The following KLF7 variants were observed in gnomAD, a reference collection of about 807,000 sequenced individuals.
The protein encoded by KLF7 is KLF transcription factor 7.
Under a neutral mutation model 27.3 loss-of-function variants are expected in KLF7, and 2 were observed. That is an observed-to-expected ratio of 0.07 (90% CI 0.03 to 0.23). The LOEUF (loss-of-function observed/expected upper bound fraction) is 0.23. Among genes scored for constraint, KLF7 ranks in the 10% least tolerant of loss-of-function variants. The pLI, the probability that KLF7 is intolerant of heterozygous loss-of-function variation, is 1.00. For synonymous variants in KLF7, 165 were observed against 162.4 expected, an observed-to-expected ratio of 1.02 and a Z score of -0.12; for missense variants, 221 against 394.1, an observed-to-expected ratio of 0.56 and a Z score of 3.72.
chr2:207,163,822 G>A (rs1338008483), intron 1 of KLF7, among the ~76,000 whole-genome samples: 3 of 152,182 alleles, frequency 2.0e-5, no homozygotes, highest in African/African-American at 4.8e-5. Flanking sequence ...GTGAAATGAA[G>A]GCTATTTCAG....
chr2:207,159,847 G>A (rs570291611), intron 1 of KLF7, among the ~76,000 whole-genome samples: 10 of 152,166 alleles, frequency 6.6e-5, no homozygotes, highest in African/African-American at 2.2e-4. Context: ...TCGTTTAAAC[G>A]GGACCAAGTT....
chr2:207,111,977 T>C (rs2077051003), intron 2 of KLF7, among the ~76,000 whole-genome samples: 1 of 151,840 alleles, frequency 6.6e-6, no homozygotes, highest in South Asian at 2.1e-4. Context: ...GTATCCTGCT[T>C]AAGTCAAATA....
intron 1 of KLF7, among the ~76,000 whole-genome samples, chr2:207,158,088 A>C (rs1275236887): frequency 1.3e-5 from 2 of 152,164 alleles, no homozygotes; most frequent in Non-Finnish European, 2.9e-5. Flanking sequence ...AGCTGTGAGG[A>C]GATGAAGAAG....
chr2:207,108,156 C>T (rs936238802), intron 2 of KLF7, among the ~76,000 whole-genome samples: 3 of 152,132 alleles, frequency 2.0e-5, no homozygotes, highest in Non-Finnish European at 4.4e-5. Context: ...ATTAACTATT[C>T]TTTTTGGATA....
chr2:207,164,848 A>C (rs374382019), intron 1 of KLF7, among the ~76,000 whole-genome samples: 6 of 152,330 alleles, frequency 3.9e-5, no homozygotes, highest in African/African-American at 1.4e-4. Context: ...ATTCATTGTC[A>C]GCCTCAGCTA....
At chr2:207,170,907 C>T (rs1349422351), upstream of KLF7, among the ~76,000 whole-genome samples, 2 of 151,746 alleles carry the variant, frequency 1.3e-5, no homozygotes, top group Non-Finnish European at 2.9e-5. Flanking sequence ...CATTATGCAG[C>T]CTGTGGATCA....
At chr2:207,161,395 G>T (rs1269546886) in intron 1 of KLF7, among the ~76,000 whole-genome samples, 1 of 152,180 alleles carries the variant, frequency 6.6e-6, no homozygotes, top group Non-Finnish European at 1.5e-5. Context: ...GGCTAGCAAG[G>T]CTCCTTTGTG....
rs899835032 is a variant in KLF7 at position 207,146,220 on chromosome 2, A to G, written c.102+19247T>C. Among the ~76,000 whole-genome samples the G allele has an allele frequency of 3.0e-4, 45 of 152,202 alleles. 1 individual carries two copies. Among genetic ancestry groups the G allele is most frequent in the African/African-American group, 1.0e-3 (43 of 41,446 alleles). On this transcript the variant is annotated intron_variant, in intron 1 of 3. Coordinates refer to ENST00000309446, the MANE Select transcript of KLF7 (RefSeq NM_003709.4). The stretch of plus-strand genomic sequence containing the variant: ...TTCTCCTGTTCTCATCTCTTCATAC[A>G]TATCACCCTTCCTTCCATTGAAGCT...
upstream of KLF7, among the ~76,000 whole-genome samples, chr2:207,169,626 G>C (rs1014183993): frequency 1.3e-5 from 2 of 152,116 alleles, no homozygotes; most frequent in African/African-American, 4.8e-5. Context: ...TCGAAGGTTT[G>C]TGGCAACCCT....
chr2:207,171,757 C>T (rs1378035096), upstream of KLF7, among the ~76,000 whole-genome samples: 1 of 152,160 alleles, frequency 6.6e-6, no homozygotes. Context: ...TGCTATTGCA[C>T]ACTTACTATA....
At chr2:207,166,887 C>G (rs1282881066), upstream of KLF7, 2 of 1,073,314 alleles carry the variant, frequency 1.9e-6, no homozygotes, top group Admixed American at 5.1e-5. Flanking sequence ...GGAGCGAGAC[C>G]GCGGCCTGCG....
rs538652218 is a variant in KLF7, at chr2:207,164,734, G to A, written c.102+733C>T. ...GAAGCACACATCAGCCTTTGTCCGA[G>A]GTTGTGCTGCCTAACTAGAGAAGGA... On this transcript the variant is annotated intron_variant, in intron 1 of 3. Coordinates refer to ENST00000309446, the MANE Select transcript of KLF7 (RefSeq NM_003709.4). 8.5e-5 allele frequency among the ~76,000 whole-genome samples: 13 copies of A among 152,270 alleles called. No individual in the cohort carries two copies. The South Asian group carries it at 2.3e-3, about 27-fold the overall frequency.
At chr2:207,158,312 C>T (rs2078446787) in intron 1 of KLF7, among the ~76,000 whole-genome samples, 2 of 152,182 alleles carry the variant, frequency 1.3e-5, no homozygotes, top group African/African-American at 4.8e-5. Context: ...ATTAGGCCTA[C>T]TTCATCCATC....
intron 2 of KLF7, among the ~76,000 whole-genome samples, chr2:207,119,607 G>A (rs1477423801): frequency 6.6e-6 from 1 of 152,212 alleles, no homozygotes; most frequent in African/African-American, 2.4e-5. Context: ...CAGAGTAGGA[G>A]AGAAAGGTCT....
chr2:207,105,773 G>A (rs1183117752), intron 2 of KLF7, among the ~76,000 whole-genome samples: 2 of 152,046 alleles, frequency 1.3e-5, no homozygotes, highest in Non-Finnish European at 2.9e-5. Context: ...TGCTCTGCAG[G>A]GACTGAGAGA....
chr2:207,166,722 C>T (rs1321989645), upstream of KLF7: 5 of 879,146 alleles, frequency 5.7e-6, no homozygotes, highest in Non-Finnish European at 6.8e-6. Flanking sequence ...GGGCAGGGAC[C>T]CGCGCGAGGC....
chr2:207,166,910 T>G, upstream of KLF7: 2 of 1,027,786 alleles, frequency 1.9e-6, no homozygotes, highest in Non-Finnish European at 2.4e-6. Flanking sequence ...CGCCCCCCGC[T>G]TGCGCACAGT....
At chr2:207,108,905 A>G (rs1234691722) in intron 2 of KLF7, among the ~76,000 whole-genome samples, 1 of 152,248 alleles carries the variant, frequency 6.6e-6, no homozygotes, top group African/African-American at 2.4e-5. Flanking sequence ...CTCACCTAGC[A>G]AAGCTCTGGT....
intron 2 of KLF7, among the ~76,000 whole-genome samples, chr2:207,103,986 G>C (rs954080106): frequency 2.6e-5 from 4 of 152,218 alleles, no homozygotes; most frequent in Non-Finnish European, 5.9e-5. Flanking sequence ...TTCTAGCTAA[G>C]ATGGTTAGAG....
Sources: gnomAD v4.1 joint callset for allele counts (sites outside exome capture counted in the v4.1 genomes callset) on GRCh38, gnomAD v4.1.1 for gene constraint, MANE v1.5 for transcripts, NCBI Gene and HGNC (gene_info 2026-07-23, HGNC 2026-07-21) for gene names.